The following SEPTIN5 variants were observed in gnomAD, a reference collection of about 807,000 sequenced individuals.
SEPTIN5 encodes the protein septin-5.
SEPTIN5 carries 16 observed loss-of-function variants against 51.2 expected under a neutral mutation model. The ratio of observed to expected loss-of-function variants is 0.31; its 90% CI spans 0.21 to 0.47. SEPTIN5 has a LOEUF of 0.47. Ranked by LOEUF, SEPTIN5 falls within the 20% of genes least tolerant of loss-of-function variation. SEPTIN5 has a pLI of 0.99. For missense variants in SEPTIN5, 376 were observed against 500.3 expected (o/e 0.75, Z 2.37); for synonymous variants, 208 against 191.2 (o/e 1.09, Z -0.72).
chr22:19,722,214 A>AACCCCCCCC, intron 10 of SEPTIN5, 23 bp from the exon 11 acceptor site: 1 of 903,762 alleles, frequency 1.1e-6, no homozygotes, highest in Non-Finnish European at 1.7e-6. Flanking sequence ...CGCCCCGCCC[A>AACCCCCCCC]TCCTCCCCCC....
At position 19,720,451 on chromosome 22, in the gene SEPTIN5, A is replaced by G; in HGVS notation, c.494A>G (p.His165Arg). ...CCLYFISPFG[H>R]GLRPVDVGFM... ...CTATACTTCATCTCCCCCTTCGGGC[A>G]TGGGTGTGTGGCTGTCCTGGGGCCA... Residue 165 changes from histidine to arginine, a missense_variant, in exon 6 of 12, where the codon CAT becomes CGT. Around this residue, in one of 2 missense-constraint regions of SEPTIN5, gnomAD observed 287 missense variants for 417.1 expected, o/e 0.69. Transcript: ENST00000455784. The G allele has an allele frequency of 1.9e-6, 3 of 1,613,708 alleles. No individual in the cohort carries two copies. Among genetic ancestry groups the G allele is most frequent in the Non-Finnish European group, 2.5e-6 (3 of 1,179,922 alleles).
chr22:19,720,027 A>C (rs2145789717), intron 4 of SEPTIN5, 88 bp from the exon 5 acceptor site: 1 of 1,606,724 alleles, frequency 6.2e-7, no homozygotes, highest in East Asian at 2.2e-5. Context: ...GGGCCAAGGC[A>C]CCAAGATGGA....
At chr22:19,718,379 G>A in intron 2 of SEPTIN5, 5 of 1,016,024 alleles carry the variant, frequency 4.9e-6, no homozygotes, top group Non-Finnish European at 5.9e-6. Flanking sequence ...CCAGGCGACC[G>A]TTTCCCGGCG....
At chr22:19,716,370 G>A (rs1294300707) in intron 2 of SEPTIN5, among the ~76,000 whole-genome samples, 1 of 152,252 alleles carries the variant, frequency 6.6e-6, no homozygotes, top group African/African-American at 2.4e-5. Flanking sequence ...GGCATTGGGG[G>A]AGTTCCGTCA....
chr22:19,721,657 C>T lies in SEPTIN5; in HGVS notation c.735C>T (p.Ala245=), dbSNP rs765151440. Residue 245 remains alanine, a synonymous_variant, in exon 9 of 12, where the codon GCC becomes GCT. Transcript: ENST00000455784. ...DRELKESAPF[A]VIGSNTVVEA... ...TCCCCCAGGAGAGCGCGCCCTTCGC[C>T]GTTATAGGCAGCAACACGGTGGTGG... The T allele has an allele frequency of 1.2e-6, 2 of 1,612,742 alleles. No homozygotes were observed. Among genetic ancestry groups the T allele is most frequent in the African/African-American group, 1.3e-5 (1 of 74,906 alleles).
At position 19,723,078 on chromosome 22, in the gene SEPTIN5, C is replaced by G; in HGVS notation, c.*594C>G. 1 of 523,126 alleles carries G rather than the reference C, an allele frequency of 1.9e-6. No individual in the cohort carries two copies. The allele number at this position is 523,126 out of a possible 1,614,324, so 32.4% of individuals were successfully genotyped here. ...TACACCCCTTCTCCACAGCCCGGCCCGACCTGGAGGGCCCCCGGGGCACTG... is the reference window on the plus strand; with the variant it reads ...TACACCCCTTCTCCACAGCCCGGCCGGACCTGGAGGGCCCCCGGGGCACTG... On this transcript the variant is annotated 3_prime_UTR_variant, in exon 12 of 12. Transcript: ENST00000455784.
chr22:19,722,411 G>A lies in SEPTIN5; in HGVS notation c.1054-17G>A, dbSNP rs1262300426. 1.3e-6 allele frequency: 2 copies of A among 1,597,864 alleles called. No homozygotes were observed. The highest frequency in any genetic ancestry group is 1.7e-6 in the Non-Finnish European group (2 of 1,172,664). ...CTCCGCGGTGCTGCTCACCCGCCGG[G>A]TTGTCTCCGCCCGCAGCTGAGGCGC... On this transcript the variant is annotated splice_polypyrimidine_tract_variant and intron_variant, in intron 11 of 11. Coordinates refer to ENST00000455784, the MANE Select transcript of SEPTIN5 (RefSeq NM_002688.6).
rs541945568 is a variant in SEPTIN5, at chr22:19,720,884, T to C, written c.717+15T>C. The C allele has an allele frequency of 1.4e-5, 23 of 1,607,566 alleles. No individual in the cohort carries two copies. In the South Asian group the frequency reaches 2.5e-4, roughly 18 times the overall value. ...GGGAACTGAAGGTGAACATGCAGAC[T>C]GGTGGGGCAGGGGGGATGGAGCTGG... On this transcript the variant is annotated intron_variant, in intron 8 of 11. Coordinates refer to ENST00000455784, the MANE Select transcript of SEPTIN5 (RefSeq NM_002688.6).
Position 19,723,187 on chromosome 22 carries a change from G to A in SEPTIN5, c.*703G>A. On this transcript the variant is annotated 3_prime_UTR_variant, in exon 12 of 12. Coordinates refer to ENST00000455784, the MANE Select transcript of SEPTIN5 (RefSeq NM_002688.6). ...CTTCTCCCCAGCACCGCTGTGGTGT[G>A]CCGGGATCCTGAGCCTAGGCCTCCC... is the stretch of plus-strand genomic sequence containing the variant. The A allele has an allele frequency of 1.7e-6, 1 of 590,606 alleles. No individual in the cohort carries two copies. Among genetic ancestry groups the A allele is most frequent in the Non-Finnish European group, 3.2e-6 (1 of 313,798 alleles). 36.6% of individuals were successfully genotyped at this position (590,606 alleles called of 1,614,324 possible).
intron 2 of SEPTIN5, chr22:19,718,618 C>T: frequency 7.8e-7 from 1 of 1,290,210 alleles, no homozygotes; most frequent in Non-Finnish European, 9.8e-7. Flanking sequence ...GTCCGCAAAA[C>T]GGGGTGGACA....
Position 19,721,814 on chromosome 22 carries a change from C to A in SEPTIN5, c.815-8C>A, listed in dbSNP as rs572182062. 3.7e-6 allele frequency: 6 copies of A among 1,606,090 alleles called. No individual in the cohort carries two copies. In the African/African-American group the frequency reaches 5.3e-5, roughly 14 times the overall value. On this transcript the variant is annotated splice_polypyrimidine_tract_variant and splice_region_variant and intron_variant, in intron 9 of 11. Transcript: ENST00000455784. ...GGCGCCAGCCCACTACCCACCCCCA[C>A]CCCGCAGTGGAGAACCAGGCGCATT...
chr22:19,716,548 A>AGT (rs1346616357), intron 2 of SEPTIN5, among the ~76,000 whole-genome samples: 1 of 152,106 alleles, frequency 6.6e-6, no homozygotes, highest in Non-Finnish European at 1.5e-5. Flanking sequence ...AAGCCCTGGG[A>AGT]GTATCTTTTG....
At position 19,719,882 on chromosome 22, in the gene SEPTIN5, C is replaced by G. The variant is rs1470365316; in HGVS notation, c.228C>G (p.Leu76=). 1.2e-6 allele frequency: 2 copies of G among 1,612,816 alleles called. No individual in the cohort carries two copies. Among genetic ancestry groups the G allele is most frequent in the Non-Finnish European group, 1.7e-6 (2 of 1,179,904 alleles). ...LTDLYKDRKL[L]SAEERISQTV... Reference sequence around the variant, plus strand: ...ACTTGTACAAGGACCGGAAGCTGCTCAGTGCTGAGGGTGAGTGGCCCCCAG... The same window carrying G: ...ACTTGTACAAGGACCGGAAGCTGCTGAGTGCTGAGGGTGAGTGGCCCCCAG... The change falls in exon 4 of 12, where the codon CTC becomes CTG. Residue 76 remains leucine, a synonymous_variant. Coordinates refer to ENST00000455784, the MANE Select transcript of SEPTIN5 (RefSeq NM_002688.6).
chr22:19,721,979 C>G (rs964251114), intron 10 of SEPTIN5, 22 bp downstream of exon 10: 1 of 1,592,720 alleles, frequency 6.3e-7, no homozygotes, highest in East Asian at 2.2e-5. Flanking sequence ...AGCCGCGAGC[C>G]AGACCTCGCC....
At chr22:19,721,025 C>G (rs1440104804) in intron 8 of SEPTIN5, among the ~76,000 whole-genome samples, 156 bp downstream of exon 8, 1 of 152,190 alleles carries the variant, frequency 6.6e-6, no homozygotes, top group East Asian at 1.9e-4. Flanking sequence ...ACCTGTACCC[C>G]CTTCATCCAG....
chr22:19,720,030 A>C, intron 4 of SEPTIN5, 85 bp from the exon 5 acceptor site: 1 of 1,607,298 alleles, frequency 6.2e-7, no homozygotes, highest in Non-Finnish European at 8.5e-7. Flanking sequence ...CCAAGGCACC[A>C]AGATGGATGA....
At position 19,720,752 on chromosome 22, in the gene SEPTIN5, C is replaced by T. The variant is rs981794084; in HGVS notation, c.616-16C>T. On this transcript the variant is annotated splice_polypyrimidine_tract_variant and intron_variant, in intron 7 of 11. Coordinates refer to ENST00000455784, the MANE Select transcript of SEPTIN5 (RefSeq NM_002688.6). ...CTTGTCTGGCCTCAAATCTGATGGT[C>T]CTTGCCCCACCACAGATCCGGGAGG... is the stretch of plus-strand genomic sequence containing the variant. 2.5e-6 allele frequency: 4 copies of T among 1,612,512 alleles called. No individual in the cohort carries two copies. The highest frequency in any genetic ancestry group is 1.7e-5 in the Admixed American group (1 of 60,004).
chr22:19,718,926 G>A, intron 2 of SEPTIN5: 1 of 1,129,908 alleles, frequency 8.9e-7, no homozygotes, highest in Middle Eastern at 3.4e-4. Context: ...CCTAGGCTCA[G>A]CCCTTCCCTC....
rs773669463 is a variant in SEPTIN5 at position 19,723,007 on chromosome 22, A to C, written c.*523A>C. 30 of 450,106 alleles carry C rather than the reference A, an allele frequency of 6.7e-5. No individual in the cohort carries two copies. The highest frequency in any genetic ancestry group is 1.1e-4 in the Non-Finnish European group (26 of 237,632). The allele number at this position is 450,106 out of a possible 1,614,324, so 27.9% of individuals were successfully genotyped here. On this transcript the variant is annotated 3_prime_UTR_variant, in exon 12 of 12. Coordinates refer to ENST00000455784, the MANE Select transcript of SEPTIN5 (RefSeq NM_002688.6). ...GGGCTGAATCAAATGGGAGCCCTCCAGACATAAGGAGGCCAGAGGCTGCAA... is the reference window on the plus strand; with the variant it reads ...GGGCTGAATCAAATGGGAGCCCTCCCGACATAAGGAGGCCAGAGGCTGCAA...
Sources: gnomAD v4.1 joint callset for allele counts (sites outside exome capture counted in the v4.1 genomes callset) on GRCh38, gnomAD v4.1.1 for gene constraint, gnomAD v4.1.1 regional missense constraint, MANE v1.5 for transcripts, NCBI Gene and HGNC (gene_info 2026-07-23, HGNC 2026-07-21) for gene names.